The following PHKA2 variants were observed in gnomAD, a reference collection of about 807,000 sequenced individuals.
PHKA2 encodes phosphorylase kinase regulatory subunit alpha 2.
PHKA2 carries 31 observed loss-of-function variants against 102.0 expected under a neutral mutation model. The observed-to-expected ratio is 0.30, with a 90% CI of 0.23 to 0.41. The LOEUF (loss-of-function observed/expected upper bound fraction) is 0.41. Ranked by LOEUF, PHKA2 falls within the 10% of genes least tolerant of loss-of-function variation. The probability of loss-of-function intolerance (pLI) is 1.00; values close to 1 mark genes in which losing one functional copy is unlikely to be tolerated. For missense variants in PHKA2, 858 were observed against 1,023.1 expected (o/e 0.84, Z 2.20); for synonymous variants, 455 against 416.2 (o/e 1.09, Z -1.13).
intron 19 of PHKA2, among the ~76,000 whole-genome samples, chrX:18,917,308 G>C (rs1034327557): frequency 1.0e-4 from 11 of 107,711 alleles, no homozygotes; most frequent in Non-Finnish European, 1.5e-4. Context: ...ACCCAGGCTG[G>C]AGTGTAGTGG....
At position 18,951,211 on chromosome X, in the gene PHKA2, T is replaced by C; in HGVS notation, c.347A>G (p.Tyr116Cys). Residue 116 changes from tyrosine (Y) to cysteine (C), a missense_variant, in exon 4 of 33, where the codon TAC becomes TGC. This residue lies in a region of PHKA2 where 187 missense variants were observed against 277.9 expected (regional missense o/e 0.67). Transcript: ENST00000379942. ...CACCGTGCCACAGGTGGCGGTGTTG[T>C]ACTTGGCGTGCAGGCTGTCCTTGGT... Reference protein sequence around the residue: ...QSTKDSLHAKYNTATCGTVVG... With the variant: ...QSTKDSLHAKCNTATCGTVVG... The C allele has an allele frequency of 8.3e-7, 1 of 1,211,696 alleles. No individual in the cohort carries two copies. Among genetic ancestry groups the C allele is most frequent in the Non-Finnish European group, 1.1e-6 (1 of 895,247 alleles).
chrX:18,957,905 G>A (rs201990115), intron 1 of PHKA2, among the ~76,000 whole-genome samples: 2 of 109,417 alleles, frequency 1.8e-5, no homozygotes, highest in East Asian at 5.7e-4. Flanking sequence ...TGTCACCCAG[G>A]TTGGAGTGCA....
intron 1 of PHKA2, among the ~76,000 whole-genome samples, chrX:18,973,205 A>C (rs192024469): frequency 4.8e-4 from 54 of 111,434 alleles, no homozygotes; most frequent in African/African-American, 1.7e-3. Flanking sequence ...GGGTTTCACC[A>C]TGTTGGCCAG....
chrX:18,977,857 A>T (rs1195128293), intron 1 of PHKA2, among the ~76,000 whole-genome samples: 2 of 112,168 alleles, frequency 1.8e-5, no homozygotes, highest in Non-Finnish European at 3.8e-5. Flanking sequence ...AAAAAGTTTT[A>T]AAAAAATAAT....
intron 30 of PHKA2, 106 bp from the exon 31 acceptor site, chrX:18,895,297 C>G: frequency 1.4e-6 from 1 of 717,277 alleles, no homozygotes; most frequent in Non-Finnish European, 2.2e-6. Flanking sequence ...CCCTGGAAAC[C>G]CATATGAGGG....
intron 1 of PHKA2, among the ~76,000 whole-genome samples, chrX:18,977,990 G>A (rs184718124): frequency 5.6e-4 from 62 of 111,525 alleles, no homozygotes; most frequent in African/African-American, 1.8e-3. Flanking sequence ...GGCGAAACCC[G>A]TCTCTACTAA....
intron 30 of PHKA2, chrX:18,896,690 C>T (rs1486582366): frequency 5.4e-6 from 1 of 186,144 alleles, no homozygotes. Flanking sequence ...CCTGAACTGT[C>T]ATTCCAGGTT....
At chrX:18,931,875 C>A in intron 11 of PHKA2, 127 bp from the exon 12 acceptor site, 1 of 568,076 alleles carries the variant, frequency 1.8e-6, no homozygotes, top group Non-Finnish European at 3.1e-6. Flanking sequence ...TGTGCAGGTG[C>A]CAGGAGGCTG....
chrX:18,945,671 A>G (rs2048565880), intron 5 of PHKA2, among the ~76,000 whole-genome samples: 1 of 112,130 alleles, frequency 8.9e-6, no homozygotes, highest in Non-Finnish European at 1.9e-5. Context: ...GTCACAACTG[A>G]GACACAGAAC....
chrX:18,950,177 C>CCTACTCAGCCCGCTGAGTAGCGGG (rs1296036457), intron 4 of PHKA2, among the ~76,000 whole-genome samples: 1 of 111,898 alleles, frequency 8.9e-6, no homozygotes, highest in Non-Finnish European at 1.9e-5. Flanking sequence ...AAACTGTGAG[C>CCTACTCAGCCCGCTGAGTAGCGGG]CTACTCAGCC....
chrX:18,925,616 A>G, intron 15 of PHKA2, 52 bp downstream of exon 15: 1 of 678,082 alleles, frequency 1.5e-6, no homozygotes, highest in Non-Finnish European at 2.4e-6. Context: ...AAAGCTTACC[A>G]GACAGCAAAG....
chrX:18,970,714 C>T (rs2049007900), intron 1 of PHKA2, among the ~76,000 whole-genome samples: 1 of 112,091 alleles, frequency 8.9e-6, no homozygotes, highest in Non-Finnish European at 1.9e-5. Context: ...GTTTCACCAT[C>T]TCAAATTGCT....
chrX:18,979,161 C>CA (rs913960516), intron 1 of PHKA2, among the ~76,000 whole-genome samples: 4 of 111,057 alleles, frequency 3.6e-5, no homozygotes, highest in Non-Finnish European at 7.6e-5. Flanking sequence ...ACAAACAAAA[C>CA]AAAAAAACAC....
Position 18,907,962 on chromosome X carries a change from C to T in PHKA2, c.2455G>A (p.Glu819Lys). Reference sequence around the variant, plus strand: ...GAGATGTAGCGAATCAGACCCCACTCCTGGTTCAAGCCGGCTTTCCCATAG... The same window carrying T: ...GAGATGTAGCGAATCAGACCCCACTTCTGGTTCAAGCCGGCTTTCCCATAG... Reference protein sequence around the residue: ...ELYGKAGLNQEWGLIRYISGL... With the variant: ...ELYGKAGLNQKWGLIRYISGL... The change falls in exon 22 of 33, where the codon GAG becomes AAG. Residue 819 changes from glutamate to lysine, a missense_variant. Glu to Lys is a moderately conservative substitution (Grantham distance 56). This residue lies in a region of PHKA2 where 671 missense variants were observed against 745.2 expected (regional missense o/e 0.90). Coordinates refer to ENST00000379942, the MANE Select transcript of PHKA2 (RefSeq NM_000292.3). 1 of 1,211,426 alleles carries T rather than the reference C, an allele frequency of 8.3e-7. No individual in the cohort carries two copies. The highest frequency in any genetic ancestry group is 1.1e-6 in the Non-Finnish European group (1 of 895,065).
intron 10 of PHKA2, among the ~76,000 whole-genome samples, chrX:18,936,728 T>C (rs968863568): frequency 8.0e-5 from 9 of 112,341 alleles, no homozygotes; most frequent in Non-Finnish European, 1.7e-4. Context: ...GGTCAGTGTG[T>C]TAAGTGAAAT....
intron 1 of PHKA2, among the ~76,000 whole-genome samples, chrX:18,969,113 A>G (rs2048984119): frequency 9.4e-6 from 1 of 106,592 alleles, no homozygotes; most frequent in East Asian, 2.9e-4. Flanking sequence ...AACTCTGTAT[A>G]TTTAAAAAAA....
intron 32 of PHKA2, 142 bp from the exon 33 acceptor site, chrX:18,893,797 C>T: frequency 1.7e-6 from 1 of 578,414 alleles, no homozygotes; most frequent in Non-Finnish European, 2.9e-6. Flanking sequence ...GGCTCCAATT[C>T]TGAGGGCATG....
intron 1 of PHKA2, among the ~76,000 whole-genome samples, chrX:18,956,107 T>C (rs148082179): frequency 0.012 from 1,339 of 111,806 alleles, 14 homozygotes; most frequent in African/African-American, 0.041. Flanking sequence ...GTGGATCACT[T>C]GAGGACAGGA....
intron 10 of PHKA2, among the ~76,000 whole-genome samples, chrX:18,938,032 A>G (rs1050113370): frequency 2.7e-5 from 3 of 112,452 alleles, no homozygotes; most frequent in Non-Finnish European, 5.6e-5. Flanking sequence ...ACCCCAGTGA[A>G]CCACGCCTCC....
Sources: allele counts gnomAD v4.1 joint callset (sites outside exome capture counted in the v4.1 genomes callset), GRCh38; gene constraint gnomAD v4.1.1; regional missense constraint gnomAD v4.1.1; transcripts MANE v1.5; gene names NCBI Gene and HGNC (gene_info 2026-07-23, HGNC 2026-07-21).